Variants in TMEM178B observed in about 807,000 individuals in gnomAD.
The protein encoded by TMEM178B is transmembrane protein 178B.
TMEM178B carries 5 observed loss-of-function variants against 31.0 expected under a neutral mutation model. The ratio of observed to expected loss-of-function variants is 0.16; its 90% CI spans 0.08 to 0.34. TMEM178B has a LOEUF of 0.34. TMEM178B is among the 10% of genes least tolerant of loss of function. TMEM178B has a pLI of 1.00. For synonymous variants in TMEM178B, 164 were observed against 164.0 expected, an observed-to-expected ratio of 1.00 and a Z score of 0.00; for missense variants, 275 against 400.3, an observed-to-expected ratio of 0.69 and a Z score of 2.67.
At chr7:141,177,978 G>A (rs1208832787) in intron 1 of TMEM178B, among the ~76,000 whole-genome samples, 1 of 152,156 alleles carries the variant, frequency 6.6e-6, no homozygotes, top group African/African-American at 2.4e-5. Flanking sequence ...ATTTGATCTT[G>A]CCATTATGAT....
intron 2 of TMEM178B, among the ~76,000 whole-genome samples, chr7:141,235,231 G>A (rs1224349447): frequency 1.3e-5 from 2 of 152,132 alleles, no homozygotes; most frequent in Non-Finnish European, 2.9e-5. Flanking sequence ...GATTTATTGT[G>A]GTAAGGAATA....
chr7:141,153,375 T>C (rs1796011346), intron 1 of TMEM178B, among the ~76,000 whole-genome samples: 1 of 152,252 alleles, frequency 6.6e-6, no homozygotes, highest in East Asian at 1.9e-4. Flanking sequence ...CTCTCCCTTT[T>C]GTTGGAACTT....
chr7:141,229,148 G>T (rs1024665406), intron 2 of TMEM178B, among the ~76,000 whole-genome samples: 1 of 131,834 alleles, frequency 7.6e-6, no homozygotes, highest in Admixed American at 8.0e-5. Flanking sequence ...TTTTTTCATG[G>T]GTCAGTGTAT....
intron 2 of TMEM178B, among the ~76,000 whole-genome samples, chr7:141,421,943 T>C (rs1219014020): frequency 6.6e-6 from 1 of 152,150 alleles, no homozygotes; most frequent in Non-Finnish European, 1.5e-5. Context: ...GGGGGTAAAC[T>C]GTCACATATT....
intron 2 of TMEM178B, among the ~76,000 whole-genome samples, chr7:141,398,540 A>G (rs995332160): frequency 4.6e-5 from 7 of 152,118 alleles, no homozygotes; most frequent in Non-Finnish European, 7.3e-5. Flanking sequence ...TCCCACCACA[A>G]TGAGGTTTCT....
chr7:141,319,065 C>T (rs1212993937), intron 2 of TMEM178B, among the ~76,000 whole-genome samples: 2 of 152,280 alleles, frequency 1.3e-5, no homozygotes, highest in South Asian at 4.1e-4. Flanking sequence ...AAGTACAAAG[C>T]AGAAGGCTTA....
At chr7:141,390,801 C>T (rs1285792041) in intron 2 of TMEM178B, among the ~76,000 whole-genome samples, 2 of 152,346 alleles carry the variant, frequency 1.3e-5, no homozygotes, top group East Asian at 3.9e-4. Context: ...TTCTCTACCT[C>T]TGCAGGGAAT....
chr7:141,186,536 T>A (rs2129184485), intron 1 of TMEM178B, among the ~76,000 whole-genome samples: 1 of 152,316 alleles, frequency 6.6e-6, no homozygotes, highest in Non-Finnish European at 1.5e-5. Context: ...TTATTGATGT[T>A]GTTTGTTTTC....
At chr7:141,447,593 C>G (rs1048781168) in intron 3 of TMEM178B, among the ~76,000 whole-genome samples, 1 of 152,118 alleles carries the variant, frequency 6.6e-6, no homozygotes, top group Admixed American at 6.5e-5. Context: ...CCCTGGGCTT[C>G]TTTCCTGGGC....
At chr7:141,167,727 A>G (rs1796284959) in intron 1 of TMEM178B, among the ~76,000 whole-genome samples, 1 of 152,174 alleles carries the variant, frequency 6.6e-6, no homozygotes, top group Admixed American at 6.5e-5. Context: ...CCTGATTCTG[A>G]GGCTGCTCTA....
At chr7:141,168,610 A>G (rs958855695) in intron 1 of TMEM178B, among the ~76,000 whole-genome samples, 1 of 152,054 alleles carries the variant, frequency 6.6e-6, no homozygotes, top group Admixed American at 6.6e-5. Flanking sequence ...CATCTCTACT[A>G]AAAATACAAA....
chr7:141,126,984 C>G (rs898516472), intron 1 of TMEM178B, among the ~76,000 whole-genome samples: 1 of 151,972 alleles, frequency 6.6e-6, no homozygotes, highest in Non-Finnish European at 1.5e-5. Flanking sequence ...GCAACAGATG[C>G]AGCTCTAACA....
intron 2 of TMEM178B, among the ~76,000 whole-genome samples, chr7:141,248,448 T>C (rs1414486185): frequency 2.0e-5 from 3 of 152,190 alleles, no homozygotes; most frequent in Admixed American, 6.5e-5. Context: ...AAGATGGGGA[T>C]ACGTTCTGAG....
At position 141,401,157 on chromosome 7, in the gene TMEM178B, A is replaced by G. The variant is rs553381307; in HGVS notation, c.497-36451A>G. ...AAGCATCATTTTGCAAAAGTTAAAA[A>G]CATGACTCTCATATAAAATAGAATG... On this transcript the variant is annotated intron_variant, in intron 2 of 3. Transcript: ENST00000565468. Among the ~76,000 whole-genome samples the G allele has an allele frequency of 8.5e-5, 13 of 152,334 alleles. No homozygotes were observed. In the South Asian group the frequency reaches 2.7e-3, roughly 32 times the overall value.
intron 3 of TMEM178B, among the ~76,000 whole-genome samples, chr7:141,438,007 C>T (rs552404476): frequency 2.6e-5 from 4 of 152,156 alleles, no homozygotes; most frequent in African/African-American, 7.2e-5. Context: ...AAGACACTTA[C>T]GGAGATGATC....
chr7:141,083,397 CA>C (rs1794719745), intron 1 of TMEM178B, among the ~76,000 whole-genome samples: 1 of 145,094 alleles, frequency 6.9e-6, no homozygotes, highest in African/African-American at 2.6e-5. Context: ...ATTTAGGTGT[CA>C]AAGAGTAGAT....
intron 1 of TMEM178B, among the ~76,000 whole-genome samples, chr7:141,155,616 C>A (rs924378334): frequency 3.3e-5 from 5 of 152,204 alleles, no homozygotes; most frequent in African/African-American, 1.2e-4. Context: ...GTGTGCTCAG[C>A]CATCCTGGGG....
intron 1 of TMEM178B, among the ~76,000 whole-genome samples, chr7:141,088,282 G>T (rs1380325726): frequency 6.6e-6 from 1 of 151,672 alleles, no homozygotes; most frequent in Non-Finnish European, 1.5e-5. Flanking sequence ...CCTTCCTCGT[G>T]TGCACCTCCC....
intron 1 of TMEM178B, among the ~76,000 whole-genome samples, chr7:141,134,963 G>T (rs986625526): frequency 3.9e-5 from 6 of 152,158 alleles, no homozygotes; most frequent in African/African-American, 1.4e-4. Context: ...TTCCCATGCT[G>T]TTCTTGTGAT....
Sources: allele counts gnomAD v4.1 joint callset (sites outside exome capture counted in the v4.1 genomes callset), GRCh38; gene constraint gnomAD v4.1.1; transcripts MANE v1.5; gene names NCBI Gene and HGNC (gene_info 2026-07-23, HGNC 2026-07-21).